LMX1B: variants seen among roughly 807,000 people sequenced by gnomAD.
LMX1B encodes LIM homeobox transcription factor 1 beta, also known as LIM homeobox transcription factor 1-beta.
Under a neutral mutation model 51.4 loss-of-function variants are expected in LMX1B, and 12 were observed. That is an observed-to-expected ratio of 0.23 (90% CI 0.15 to 0.38). The LOEUF is 0.38. Among genes scored for constraint, LMX1B ranks in the 10% least tolerant of loss-of-function variants. The pLI, the probability that LMX1B is intolerant of heterozygous loss-of-function variation, is 1.00. For missense variants in LMX1B, 445 were observed against 571.1 expected, an observed-to-expected ratio of 0.78 and a Z score of 2.25; for synonymous variants, 237 against 235.4, an observed-to-expected ratio of 1.01 and a Z score of -0.06.
intron 6 of LMX1B, among the ~76,000 whole-genome samples, chr9:126,694,251 G>T (rs28510333): frequency 3.3e-5 from 5 of 152,078 alleles, no homozygotes; most frequent in Non-Finnish European, 4.4e-5. Context: ...ACTGCAAGGG[G>T]GGGTATTGCC....
Position 126,628,056 on chromosome 9 carries a change from G to T in LMX1B, c.326+12487G>T, listed in dbSNP as rs143185431. On this transcript the variant is annotated intron_variant, in intron 2 of 7. Coordinates refer to ENST00000373474, the MANE Select transcript of LMX1B (RefSeq NM_001174147.2). ...AGTTTTCTGGATAACACGGGGCCAC[G>T]TGGCTTGGGAATGCGGTCTACTAAA... is the stretch of plus-strand genomic sequence containing the variant. Among the ~76,000 whole-genome samples, 748 of 152,320 alleles carry T rather than the reference G, an allele frequency of 4.9e-3. 8 individuals carry two copies. The highest frequency in any genetic ancestry group is 0.017 in the African/African-American group (717 of 41,560).
At chr9:126,639,115 G>T (rs1161014314) in intron 2 of LMX1B, among the ~76,000 whole-genome samples, 1 of 151,544 alleles carries the variant, frequency 6.6e-6, no homozygotes, top group Non-Finnish European at 1.5e-5. Flanking sequence ...AGAGGGGAGG[G>T]GAGGGGAAGG....
Position 126,697,699 on chromosome 9 carries a change from T to A in LMX1B, c.*1248T>A, listed in dbSNP as rs2030390547. 1 of 152,350 alleles carries A rather than the reference T, an allele frequency of 6.6e-6. No individual in the cohort carries two copies. Among genetic ancestry groups the A allele is most frequent in the Non-Finnish European group, 1.5e-5 (1 of 68,146 alleles). The allele number at this position is 152,350 out of a possible 1,614,324, so 9.4% of individuals were successfully genotyped here. A position where few individuals can be genotyped will look rare whatever the true frequency, so the allele number is the denominator to read the frequency against. ...CTGTGGCACCCTTCCTCTGTTAATT[T>A]GGCCCAAAAGACAATGATTTGGCCA... On this transcript the variant is annotated 3_prime_UTR_variant, in exon 8 of 8. Coordinates refer to ENST00000373474, the MANE Select transcript of LMX1B (RefSeq NM_001174147.2).
rs914327387 is a variant in LMX1B, at chr9:126,671,069, G to T, written c.327-19767G>T. ...GCCATGCCAGGTGGCAGAGAAGGGG[G>T]CAAGAGAACTATCAGCTGGGACACC... On this transcript the variant is annotated intron_variant, in intron 2 of 7. Transcript: ENST00000373474. This position sits in a 1 kb window ranked among gnomAD's most constrained non-coding sequence, Gnocchi z 4.4. Among the ~76,000 whole-genome samples the T allele has an allele frequency of 1.3e-5, 2 of 152,050 alleles. No individual in the cohort carries two copies. The highest frequency in any genetic ancestry group is 6.5e-5 in the Admixed American group (1 of 15,272).
chr9:126,616,548 C>T (rs1835306107), intron 2 of LMX1B, among the ~76,000 whole-genome samples: 1 of 152,196 alleles, frequency 6.6e-6, no homozygotes, highest in Non-Finnish European at 1.5e-5. Context: ...CTGTTGCAGA[C>T]ACAGCGGGTG....
At chr9:126,684,426 G>C (rs1836736493) in intron 2 of LMX1B, among the ~76,000 whole-genome samples, 1 of 152,186 alleles carries the variant, frequency 6.6e-6, no homozygotes, top group Non-Finnish European at 1.5e-5. Flanking sequence ...GCTGGGCCAT[G>C]CCTTCCCACA....
chr9:126,641,570 C>G lies in LMX1B; in HGVS notation c.326+26001C>G, dbSNP rs564212370. Among the ~76,000 whole-genome samples, 18 of 152,290 alleles carry G rather than the reference C, an allele frequency of 1.2e-4. 1 individual carries two copies. In the South Asian group the frequency reaches 1.9e-3, roughly 16 times the overall value. On this transcript the variant is annotated intron_variant, in intron 2 of 7. Coordinates refer to ENST00000373474, the MANE Select transcript of LMX1B (RefSeq NM_001174147.2). The surrounding 1 kb of genome is among the most constrained non-coding windows in gnomAD (Gnocchi z 4.1). ...CTGGGCTGGGTTAGGCGACCACCCC[C>G]ACCCAGCTGGGTTCCTCCCTGTCTT...
Position 126,696,016 on chromosome 9 carries a change from A to AAC in LMX1B, c.1051+13_1051+14insAC. On this transcript the variant is annotated intron_variant, in intron 7 of 7. Transcript: ENST00000373474. ...ATGAACCCCTATGGTAAGCCGCCCT[A>AAC]CCCCCACCCGCCCGCCCCAGCACAG... is the stretch of plus-strand genomic sequence containing the variant. 6.6e-7 allele frequency: 1 copy of AAC among 1,512,700 alleles called. No homozygotes were observed. The highest frequency in any genetic ancestry group is 8.8e-7 in the Non-Finnish European group (1 of 1,131,796). The allele number at this position is 1,512,700 out of a possible 1,614,324, so 93.7% of individuals were successfully genotyped here.
At chr9:126,645,561 A>G (rs968494448) in intron 2 of LMX1B, among the ~76,000 whole-genome samples, 4 of 152,178 alleles carry the variant, frequency 2.6e-5, no homozygotes, top group African/African-American at 9.7e-5. Flanking sequence ...ACACAACCAC[A>G]TAGGGCAGCC....
chr9:126,623,751 G>C (rs1827626846), intron 2 of LMX1B, among the ~76,000 whole-genome samples: 2 of 140,442 alleles, frequency 1.4e-5, no homozygotes, highest in Non-Finnish European at 3.2e-5. Flanking sequence ...GGGTGTCACT[G>C]ACCTCCTCTG....
At position 126,614,411 on chromosome 9, in the gene LMX1B, C is replaced by G. The variant is rs1463841666; in HGVS notation, c.-39C>G. 2 of 1,408,328 alleles carry G rather than the reference C, an allele frequency of 1.4e-6. No homozygotes were observed. Among genetic ancestry groups the G allele is most frequent in the African/African-American group, 1.5e-5 (1 of 66,268 alleles). 87.2% of individuals were successfully genotyped at this position (1,408,328 alleles called of 1,614,324 possible). On this transcript the variant is annotated 5_prime_UTR_variant, in exon 1 of 8. Transcript: ENST00000373474. ...GCGGGTGGACGGGCCGGCGGGCGAG[C>G]AGCCCGGCCGGCGGGGTCCGCAGCG... is the stretch of plus-strand genomic sequence containing the variant.
chr9:126,615,270 G>A lies in LMX1B; in HGVS notation c.140-113G>A, dbSNP rs916706286. On this transcript the variant is annotated intron_variant, in intron 1 of 7. Coordinates refer to ENST00000373474, the MANE Select transcript of LMX1B (RefSeq NM_001174147.2). The surrounding 1 kb of genome is among the most constrained non-coding windows in gnomAD (Gnocchi z 6.0). ...CCGGGGAGCGCAGGCGGCAGGCGGT[G>A]ATCCCGGGCGGCCCGAGCCCTCGGG... The A allele has an allele frequency of 1.5e-6, 1 of 666,120 alleles. No individual in the cohort carries two copies. 41.3% of individuals were successfully genotyped at this position (666,120 alleles called of 1,614,324 possible). A position where few individuals can be genotyped will look rare whatever the true frequency, so the allele number is the denominator to read the frequency against.
chr9:126,632,344 C>T (rs1238791387), intron 2 of LMX1B, among the ~76,000 whole-genome samples: 1 of 151,990 alleles, frequency 6.6e-6, no homozygotes, highest in Non-Finnish European at 1.5e-5. Context: ...TTGGGGAGGG[C>T]ATTCCAGGAG....
intron 2 of LMX1B, among the ~76,000 whole-genome samples, chr9:126,621,814 G>T (rs138835546): frequency 6.6e-6 from 1 of 152,036 alleles, no homozygotes; most frequent in Admixed American, 6.6e-5. Flanking sequence ...TGTAACTGAC[G>T]GGGCAGTGAA....
Position 126,695,802 on chromosome 9 carries a change from G to C in LMX1B, c.887-37G>C, listed in dbSNP as rs769796145. 3.7e-6 allele frequency: 6 copies of C among 1,609,942 alleles called. No homozygotes were observed. In the South Asian group the frequency reaches 4.4e-5, roughly 12 times the overall value. On this transcript the variant is annotated intron_variant, in intron 6 of 7. Coordinates refer to ENST00000373474, the MANE Select transcript of LMX1B (RefSeq NM_001174147.2). The surrounding 1 kb of genome is among the most constrained non-coding windows in gnomAD (Gnocchi z 5.2). ...GCTGGGGTGTAGCTGGGAGGGCGTG[G>C]ACCAGGCCAGGGGGTGAAGGCTCAC...
Position 126,695,235 on chromosome 9 carries a change from C to A in LMX1B, c.887-604C>A, listed in dbSNP as rs1443553876. 6.6e-6 allele frequency among the ~76,000 whole-genome samples: 1 copy of A among 152,186 alleles called. No homozygotes were observed. The highest frequency in any genetic ancestry group is 1.5e-5 in the Non-Finnish European group (1 of 68,028). ...GTCTACCAAACCCTCCAGCGGCTCC[C>A]AGCGGCCTCGGGGACCCCCACCCAG... is the stretch of plus-strand genomic sequence containing the variant. On this transcript the variant is annotated intron_variant, in intron 6 of 7. Transcript: ENST00000373474. The surrounding 1 kb of genome is among the most constrained non-coding windows in gnomAD (Gnocchi z 5.2).
At chr9:126,636,251 A>G (rs7469554) in intron 2 of LMX1B, among the ~76,000 whole-genome samples, 24,211 of 152,090 alleles carry the variant, frequency 0.16, 2,542 homozygotes, top group East Asian at 0.45. Flanking sequence ...CCTGATGGAG[A>G]GAACACAGGG....
In LMX1B at chr9:126,618,804, G is replaced by T. The variant is rs1487745680; in HGVS notation, c.326+3235G>T. 6.6e-6 allele frequency among the ~76,000 whole-genome samples: 1 copy of T among 152,196 alleles called. No individual in the cohort carries two copies. The highest frequency in any genetic ancestry group is 2.4e-5 in the African/African-American group (1 of 41,438). On this transcript the variant is annotated intron_variant, in intron 2 of 7. Transcript: ENST00000373474. The surrounding 1 kb of genome is among the most constrained non-coding windows in gnomAD (Gnocchi z 4.5). ...GGAGGAGGCTCCGGAAGGGGGGAGG[G>T]TCGGTGGGAGAGTCCAAAAATCTGT...
rs769779430 is a variant in LMX1B, at chr9:126,626,849, G to C, written c.326+11280G>C. Among the ~76,000 whole-genome samples, 1 of 152,136 alleles carries C rather than the reference G, an allele frequency of 6.6e-6. No homozygotes were observed. Among genetic ancestry groups the C allele is most frequent in the African/African-American group, 2.4e-5 (1 of 41,448 alleles). On this transcript the variant is annotated intron_variant, in intron 2 of 7. Transcript: ENST00000373474. This position sits in a 1 kb window ranked among gnomAD's most constrained non-coding sequence, Gnocchi z 4.3. ...CCTGCAAGCATCAAACGGCCCGCGG[G>C]AACCGGCCGAGTTCAGAGGGACAGT... is the stretch of plus-strand genomic sequence containing the variant.
Sources: gnomAD v4.1 joint callset for allele counts (sites outside exome capture counted in the v4.1 genomes callset) on GRCh38, gnomAD v4.1.1 for gene constraint, Gnocchi (gnomAD v3.1) non-coding constraint, MANE v1.5 for transcripts, NCBI Gene and HGNC (gene_info 2026-07-23, HGNC 2026-07-21) for gene names.